Variants in FAM219B observed in about 807,000 individuals in gnomAD.
FAM219B encodes family with sequence similarity 219 member B.
Under a neutral mutation model 19.9 loss-of-function variants are expected in FAM219B, and 18 were observed. The ratio of observed to expected loss-of-function variants is 0.91; its 90% CI spans 0.63 to 1.34. The LOEUF (loss-of-function observed/expected upper bound fraction) is 1.34. FAM219B is among the 40% of genes most tolerant of loss of function. The pLI is 0.00. For missense variants in FAM219B, 283 were observed against 270.5 expected (o/e 1.05, Z -0.32); for synonymous variants, 123 against 117.5 (o/e 1.05, Z -0.30).
Position 74,900,611 on chromosome 15 carries a change from A to G in FAM219B, c.*2008T>C, listed in dbSNP as rs1229947996. 3 of 152,230 alleles carry G rather than the reference A, an allele frequency of 2.0e-5. No individual in the cohort carries two copies. Among genetic ancestry groups the G allele is most frequent in the Non-Finnish European group, 4.4e-5 (3 of 68,064 alleles). 9.4% of individuals were successfully genotyped at this position (152,230 alleles called of 1,614,324 possible). A position where few individuals can be genotyped will look rare whatever the true frequency, so the allele number is the denominator to read the frequency against. On this transcript the variant is annotated 3_prime_UTR_variant, in exon 5 of 5. Coordinates refer to ENST00000357635, the MANE Select transcript of FAM219B (RefSeq NM_020447.5). ...TGTGCACTTCACCTCTGCAGACACA[A>G]GAAAGGCCTGGACATGGTCTCTGCA...
At chr15:74,898,847 GTTTT>G (rs1029420363), downstream of FAM219B, 11 of 152,390 alleles carry the variant, frequency 7.2e-5, no homozygotes, top group African/African-American at 2.7e-4. Context: ...CCCGGCTCCT[GTTTT>G]TCAACTGGCC....
chr15:74,906,479 T>C (rs2065200154), intron 1 of FAM219B, 108 bp downstream of exon 1: 1 of 1,518,672 alleles, frequency 6.6e-7, no homozygotes. Flanking sequence ...AGGCTGCAGC[T>C]AACCCCTTCC....
chr15:74,898,200 C>T (rs775795491), downstream of FAM219B: 2 of 273,414 alleles, frequency 7.3e-6, no homozygotes, highest in African/African-American at 2.2e-5. Context: ...CTTGTTCTGT[C>T]AAAGCAATTA....
Position 74,905,244 on chromosome 15 carries a change from G to A in FAM219B, c.303-13C>T, listed in dbSNP as rs539428806. On this transcript the variant is annotated splice_polypyrimidine_tract_variant and intron_variant, in intron 2 of 4. Transcript: ENST00000357635. ...AAACTTCACTGACCTGAGGGGAGAC[G>A]GGGGAGAAGAGACCAAACATAGATG... is the stretch of plus-strand genomic sequence containing the variant. 7.4e-6 allele frequency: 12 copies of A among 1,612,766 alleles called. No individual in the cohort carries two copies. In the Middle Eastern group the frequency reaches 4.9e-4, roughly 66 times the overall value.
At chr15:74,903,474 G>A (rs1039669929) in intron 4 of FAM219B, among the ~76,000 whole-genome samples, 8 of 151,674 alleles carry the variant, frequency 5.3e-5, no homozygotes, top group Non-Finnish European at 1.0e-4. Flanking sequence ...GACGGCGGGC[G>A]CCTGTAGTCC....
Position 74,903,594 on chromosome 15 carries a change from C to CT in FAM219B, c.430-809dup, listed in dbSNP as rs1333435241. ...CCAGCCTGGGCCACAGAGTGAGACT[C>CT]TGTCTCAAAAAAAAAAAAAAAAAAA... On this transcript the variant is annotated intron_variant, in intron 4 of 4. Coordinates refer to ENST00000357635, the MANE Select transcript of FAM219B (RefSeq NM_020447.5). Among the ~76,000 whole-genome samples, 8 of 108,626 alleles carry CT rather than the reference C, an allele frequency of 7.4e-5. No homozygotes were observed. In the Admixed American group the frequency reaches 9.6e-4, roughly 13 times the overall value. The allele number at this position is 108,626 out of a possible 152,430, so 71.3% of individuals were successfully genotyped here.
In FAM219B at chr15:74,901,883, A is replaced by G. The variant is rs1595834256; in HGVS notation, c.*736T>C. The G allele has an allele frequency of 1.0e-5, 4 of 382,474 alleles. No homozygotes were observed. The East Asian group carries it at 1.1e-4, about 11-fold the overall frequency. 23.7% of individuals were successfully genotyped at this position (382,474 alleles called of 1,614,324 possible). ...CCAGACCAAGGAAATACAAATAAAT[A>G]AATATGAACATGTCAGAGCAGTTTT... On this transcript the variant is annotated 3_prime_UTR_variant, in exon 5 of 5. Transcript: ENST00000357635.
intron 2 of FAM219B, 27 bp downstream of exon 2, chr15:74,906,251 C>T: frequency 1.2e-6 from 2 of 1,609,618 alleles, no homozygotes; most frequent in Non-Finnish European, 1.7e-6. Flanking sequence ...AAGCTGCTGG[C>T]ACAGAGGAGG....
chr15:74,906,346 G>A lies in FAM219B; in HGVS notation c.234C>T (p.Ala78=). Residue 78 remains alanine, a synonymous_variant, in exon 2 of 5, where the codon GCC becomes GCT. Coordinates refer to ENST00000357635, the MANE Select transcript of FAM219B (RefSeq NM_020447.5). The stretch of plus-strand genomic sequence containing the variant: ...TGCCTTTTCTCCGCAGAACGGCCTT[G>A]GCCAGGTCCCGGTGCTTCTCTGGAA... The part of the protein sequence containing the change: ...QAKLQKHRDL[A]KAVLRRKGML... 1 of 1,612,682 alleles carries A rather than the reference G, an allele frequency of 6.2e-7. No individual in the cohort carries two copies.
chr15:74,905,102 C>T, intron 3 of FAM219B, 52 bp downstream of exon 3: 1 of 1,612,422 alleles, frequency 6.2e-7, no homozygotes, highest in Non-Finnish European at 8.5e-7. Context: ...AGGCGATCTT[C>T]AGTCCCAGCC....
Position 74,902,804 on chromosome 15 carries a change from G to C in FAM219B, c.430-18C>G. 5 of 1,594,412 alleles carry C rather than the reference G, an allele frequency of 3.1e-6. No homozygotes were observed. The highest frequency in any genetic ancestry group is 4.3e-6 in the Non-Finnish European group (5 of 1,170,646). On this transcript the variant is annotated intron_variant, in intron 4 of 4. Coordinates refer to ENST00000357635, the MANE Select transcript of FAM219B (RefSeq NM_020447.5). ...TTCACCTGCTAAGAGAAGGAGAGGA[G>C]GGAACTATAGGCCAAGATGCAAAGC...
Position 74,902,802 on chromosome 15 carries a change from G to T in FAM219B, c.430-16C>A, listed in dbSNP as rs200301582. The T allele has an allele frequency of 2.9e-3, 4,672 of 1,599,112 alleles. 170 individuals are homozygous for T. The South Asian group carries it at 0.049, about 17-fold the overall frequency. ...GGTTCACCTGCTAAGAGAAGGAGAGGAGGGAACTATAGGCCAAGATGCAAA... is the reference window on the plus strand; with the variant it reads ...GGTTCACCTGCTAAGAGAAGGAGAGTAGGGAACTATAGGCCAAGATGCAAA... On this transcript the variant is annotated splice_polypyrimidine_tract_variant and intron_variant, in intron 4 of 4. Transcript: ENST00000357635.
Position 74,901,835 on chromosome 15 carries a change from A to C in FAM219B, c.*784T>G, listed in dbSNP as rs1207227772. ...GTACCTTCGACCTAATCTTTAGCTC[A>C]AAGACTGGGTGAAGAAACTCACCCA... is the stretch of plus-strand genomic sequence containing the variant. On this transcript the variant is annotated 3_prime_UTR_variant, in exon 5 of 5. Coordinates refer to ENST00000357635, the MANE Select transcript of FAM219B (RefSeq NM_020447.5). The C allele has an allele frequency of 9.0e-6, 3 of 334,064 alleles. No homozygotes were observed. Among genetic ancestry groups the C allele is most frequent in the East Asian group, 4.6e-5 (1 of 21,868 alleles). 20.7% of individuals were successfully genotyped at this position (334,064 alleles called of 1,614,324 possible).
intron 4 of FAM219B, among the ~76,000 whole-genome samples, chr15:74,903,579 CCA>C (rs1409556173): frequency 1.5e-5 from 2 of 132,434 alleles, no homozygotes; most frequent in Non-Finnish European, 3.1e-5. Context: ...CCAGCCTGGG[CCA>C]CAGAGTGAGA....
Position 74,906,795 on chromosome 15 carries a change from C to A in FAM219B, c.6G>T (p.Ala2=). 3 of 1,281,464 alleles carry A rather than the reference C, an allele frequency of 2.3e-6. No homozygotes were observed. Among genetic ancestry groups the A allele is most frequent in the South Asian group, 5.7e-5 (2 of 35,098 alleles). The allele number at this position is 1,281,464 out of a possible 1,614,324, so 79.4% of individuals were successfully genotyped here. A position where few individuals can be genotyped will look rare whatever the true frequency, so the allele number is the denominator to read the frequency against. Residue 2 remains alanine (A), a synonymous_variant, in exon 1 of 5, where the codon GCG becomes GCT. Coordinates refer to ENST00000357635, the MANE Select transcript of FAM219B (RefSeq NM_020447.5). M[A]TAEPSGRALR... is the part of the protein sequence containing the mutation. ...ACGCGCGCCCGCTGGGCTCCGCGGT[C>A]GCCATGGCCGGGCCCCGCCCTGCCG...
chr15:74,904,977 A>G (rs564030847), intron 3 of FAM219B, 177 bp downstream of exon 3: 2 of 1,539,760 alleles, frequency 1.3e-6, no homozygotes, highest in East Asian at 2.4e-5. Flanking sequence ...GAGCAGCACG[A>G]TTACCTATGA....
At chr15:74,903,729 T>C (rs143971172) in intron 4 of FAM219B, among the ~76,000 whole-genome samples, 132 of 152,184 alleles carry the variant, frequency 8.7e-4, no homozygotes, top group African/African-American at 3.0e-3. Context: ...AACTGCTCTA[T>C]TCTCTGTGAC....
Position 74,906,261 on chromosome 15 carries a change from G to A in FAM219B, c.302+17C>T, listed in dbSNP as rs2065185392. ...CTCTAAAGCTGCTGGCACAGAGGAG[G>A]TGGCGCCTGCTGAGACCTTTTCCCT... On this transcript the variant is annotated intron_variant, in intron 2 of 4. Transcript: ENST00000357635. The A allele has an allele frequency of 1.2e-6, 2 of 1,611,900 alleles. No individual in the cohort carries two copies. Among genetic ancestry groups the A allele is most frequent in the East Asian group, 2.2e-5 (1 of 44,848 alleles).
In FAM219B at chr15:74,902,711, A is replaced by G. The variant is rs774343636; in HGVS notation, c.505T>C (p.Leu169=). The change falls in exon 5 of 5, where the codon TTG becomes CTG. Residue 169 remains leucine, a synonymous_variant. Coordinates refer to ENST00000357635, the MANE Select transcript of FAM219B (RefSeq NM_020447.5). ...HLDEIPDDED[L]DLIPPKPMAS... is the part of the protein sequence containing the mutation. ...ATGGGCTTAGGGGGGATGAGGTCCA[A>G]GTCCTCGTCATCTGGAATCTCATCC... The G allele has an allele frequency of 1.9e-6, 3 of 1,613,212 alleles. No individual in the cohort carries two copies. The South Asian group carries it at 3.3e-5, about 18-fold the overall frequency.
Sources: allele counts gnomAD v4.1 joint callset (sites outside exome capture counted in the v4.1 genomes callset), GRCh38; gene constraint gnomAD v4.1.1; transcripts MANE v1.5; gene names NCBI Gene and HGNC (gene_info 2026-07-23, HGNC 2026-07-21).